The following MACROD2 variants were observed in gnomAD, a reference collection of about 807,000 sequenced individuals.
MACROD2 encodes mono-ADP ribosylhydrolase 2.
MACROD2 carries 36 observed loss-of-function variants against 70.4 expected under a neutral mutation model. The observed-to-expected ratio is 0.51, with a 90% CI of 0.39 to 0.68. The LOEUF (loss-of-function observed/expected upper bound fraction) is 0.68, where lower values mean the gene tolerates loss of function less well. MACROD2 is among the 30% of genes least tolerant of loss of function. The pLI is 0.00. For missense variants in MACROD2, 496 were observed against 538.4 expected (o/e 0.92, Z 0.78); for synonymous variants, 172 against 178.8 (o/e 0.96, Z 0.30).
At chr20:14,705,170 T>C (rs1659206092) in intron 5 of MACROD2, among the ~76,000 whole-genome samples, 1 of 152,102 alleles carries the variant, frequency 6.6e-6, no homozygotes, top group African/African-American at 2.4e-5. Flanking sequence ...ATCCTCCTCA[T>C]GTTGTACATT....
At chr20:14,142,467 C>T (rs767607006) in intron 3 of MACROD2, among the ~76,000 whole-genome samples, 10 of 152,176 alleles carry the variant, frequency 6.6e-5, no homozygotes, top group South Asian at 2.1e-4. Flanking sequence ...ACCATCCTTT[C>T]CTGCTCATTT....
In MACROD2 at chr20:15,733,022, C is replaced by G. The variant is rs191679375; in HGVS notation, c.646-129723C>G. ...ATAGATACAGGCCTATTCACATTAT[C>G]TATTTCTTCTTGTGTGAATTTTGGC... On this transcript the variant is annotated intron_variant, in intron 8 of 17. Coordinates refer to ENST00000684519, the MANE Select transcript of MACROD2 (RefSeq NM_001351661.2). Among the ~76,000 whole-genome samples, 29 of 152,228 alleles carry G rather than the reference C, an allele frequency of 1.9e-4. No individual in the cohort carries two copies. The East Asian group carries it at 5.6e-3, about 29-fold the overall frequency.
In MACROD2 at chr20:15,254,610, G is replaced by A. The variant is rs543953290; in HGVS notation, c.540+24549G>A. The stretch of plus-strand genomic sequence containing the variant: ...GATATTGAACTAATTTGACATTAAT[G>A]TTAAATACTTATCATAGTACCTGAG... On this transcript the variant is annotated intron_variant, in intron 6 of 17. Transcript: ENST00000684519. Among the ~76,000 whole-genome samples the A allele has an allele frequency of 2.0e-5, 3 of 152,220 alleles. No homozygotes were observed. The South Asian group carries it at 6.2e-4, about 32-fold the overall frequency.
intron 8 of MACROD2, among the ~76,000 whole-genome samples, chr20:15,654,830 A>T (rs989266586): frequency 6.6e-6 from 1 of 152,248 alleles, no homozygotes; most frequent in Admixed American, 6.5e-5. Flanking sequence ...CCACAGAAAT[A>T]AAATACCAAG....
chr20:14,856,866 C>G (rs920575763), intron 5 of MACROD2, among the ~76,000 whole-genome samples: 1 of 152,082 alleles, frequency 6.6e-6, no homozygotes, highest in African/African-American at 2.4e-5. Context: ...GTAAATGACC[C>G]CACCTCTCAA....
intron 5 of MACROD2, among the ~76,000 whole-genome samples, chr20:15,007,280 C>T (rs1035391208): frequency 2.0e-5 from 3 of 151,932 alleles, no homozygotes; most frequent in South Asian, 2.1e-4. Context: ...AGGAGAATGG[C>T]GTGAACCTGG....
intron 5 of MACROD2, among the ~76,000 whole-genome samples, chr20:14,868,357 T>C (rs1001072163): frequency 4.6e-5 from 7 of 151,790 alleles, no homozygotes; most frequent in Non-Finnish European, 8.8e-5. Context: ...CTGGCTAATG[T>C]TTCTTATTTT....
At chr20:14,363,487 G>C (rs2083242517) in intron 3 of MACROD2, among the ~76,000 whole-genome samples, 1 of 152,132 alleles carries the variant, frequency 6.6e-6, no homozygotes, top group Non-Finnish European at 1.5e-5. Flanking sequence ...CTGGCTCAGT[G>C]AATTCTCTTC....
intron 7 of MACROD2, among the ~76,000 whole-genome samples, chr20:15,483,486 A>G (rs983654365): frequency 5.9e-5 from 9 of 152,220 alleles, no homozygotes; most frequent in African/African-American, 1.7e-4. Context: ...GTCAGGTAAT[A>G]TCAGTCCTCT....
chr20:15,536,221 G>T (rs1366149832), intron 8 of MACROD2, among the ~76,000 whole-genome samples: 1 of 152,126 alleles, frequency 6.6e-6, no homozygotes, highest in African/African-American at 2.4e-5. Flanking sequence ...GCTGGCAGTT[G>T]TTGATAAAGA....
chr20:15,232,969 C>A (rs968906147), intron 6 of MACROD2, among the ~76,000 whole-genome samples: 2 of 151,870 alleles, frequency 1.3e-5, no homozygotes, highest in African/African-American at 4.8e-5. Flanking sequence ...TGTACCCTGA[C>A]GTTATCAGGT....
At chr20:14,301,993 A>C (rs1040840776) in intron 3 of MACROD2, among the ~76,000 whole-genome samples, 4 of 152,160 alleles carry the variant, frequency 2.6e-5, no homozygotes, top group African/African-American at 9.7e-5. Context: ...CTTTATTAGG[A>C]TAGATAGAAC....
At chr20:15,620,791 T>C (rs566974543) in intron 8 of MACROD2, among the ~76,000 whole-genome samples, 1 of 152,182 alleles carries the variant, frequency 6.6e-6, no homozygotes, top group East Asian at 1.9e-4. Context: ...GTTTGTTTGT[T>C]TGTTTGTTTA....
chr20:14,495,037 G>A (rs75668985), intron 4 of MACROD2, among the ~76,000 whole-genome samples: 2,440 of 152,176 alleles, frequency 0.016, 23 homozygotes, highest in Middle Eastern at 0.034. Flanking sequence ...AACAAATTAG[G>A]TAGACGATTC....
intron 5 of MACROD2, among the ~76,000 whole-genome samples, chr20:14,786,817 C>G (rs945823202): frequency 2.0e-5 from 3 of 152,042 alleles, no homozygotes. Context: ...AAGTTGGATA[C>G]TGGGTATTCA....
At chr20:14,717,986 A>G (rs1268620073) in intron 5 of MACROD2, among the ~76,000 whole-genome samples, 1 of 152,078 alleles carries the variant, frequency 6.6e-6, no homozygotes, top group Non-Finnish European at 1.5e-5. Context: ...ACACAAATGC[A>G]CACACACACG....
intron 5 of MACROD2, among the ~76,000 whole-genome samples, chr20:14,818,987 G>T (rs1188242197): frequency 6.6e-6 from 1 of 151,692 alleles, no homozygotes; most frequent in East Asian, 1.9e-4. Flanking sequence ...AAGCTTGGCT[G>T]GGCATGGTGG....
intron 8 of MACROD2, among the ~76,000 whole-genome samples, chr20:15,585,969 A>G (rs1255694127): frequency 6.6e-6 from 1 of 152,170 alleles, no homozygotes; most frequent in Non-Finnish European, 1.5e-5. Context: ...ATTCAAGTAA[A>G]GGGCTGGAGT....
At chr20:14,695,634 C>A (rs931933610) in intron 5 of MACROD2, among the ~76,000 whole-genome samples, 1 of 152,198 alleles carries the variant, frequency 6.6e-6, no homozygotes, top group African/African-American at 2.4e-5. Context: ...TCTGGAGAGG[C>A]TTGTATGCTG....
Sources: gnomAD v4.1 joint callset for allele counts (sites outside exome capture counted in the v4.1 genomes callset) on GRCh38, gnomAD v4.1.1 for gene constraint, MANE v1.5 for transcripts, NCBI Gene and HGNC (gene_info 2026-07-23, HGNC 2026-07-21) for gene names.